The following PIK3R2 variants were observed in gnomAD, a reference collection of about 807,000 sequenced individuals.
PIK3R2 encodes the protein phosphoinositide-3-kinase regulatory subunit 2, also known as phosphatidylinositol 3-kinase regulatory subunit beta.
In PIK3R2, 40 loss-of-function variants were observed where a neutral mutation model predicts 78.5. That is an observed-to-expected ratio of 0.51 (90% CI 0.40 to 0.66). The LOEUF (loss-of-function observed/expected upper bound fraction) is 0.66. Among genes scored for constraint, PIK3R2 ranks in the 30% least tolerant of loss-of-function variants. PIK3R2 has a pLI of 0.00. For synonymous variants in PIK3R2, 473 were observed against 457.7 expected (o/e 1.03, Z -0.43); for missense variants, 880 against 1,026.6 (o/e 0.86, Z 1.95).
chr19:18,156,041 G>A lies in PIK3R2; in HGVS notation c.162G>A (p.Val54=). 6.4e-7 allele frequency: 1 copy of A among 1,561,724 alleles called. No homozygotes were observed. Among genetic ancestry groups the A allele is most frequent in the Non-Finnish European group, 8.7e-7 (1 of 1,153,576 alleles). Residue 54 remains valine (V), a synonymous_variant, in exon 2 of 16, where the codon GTG becomes GTA. Transcript: ENST00000222254. This position sits in a 1 kb window ranked among gnomAD's most constrained non-coding sequence, Gnocchi z 4.2. ...AEGGERCPQS[V]GWMPGLNERT... ...GTGGCGAGCGCTGCCCACAGAGCGT[G>A]GGCTGGATGCCCGGCCTCAACGAGC...
rs745964137 is a variant in PIK3R2, at chr19:18,156,100, A to G, written c.221A>G (p.Tyr74Cys). The change falls in exon 2 of 16, where the codon TAT (tyrosine) becomes TGT (cysteine). Residue 74 changes from tyrosine (Y) to cysteine (C), a missense_variant. This residue lies in a region of PIK3R2 where 456 missense variants were observed against 486.6 expected (regional missense o/e 0.94). Transcript: ENST00000222254. This position sits in a 1 kb window ranked among gnomAD's most constrained non-coding sequence, Gnocchi z 4.2. ...CAGCGAGGTGACTTCCCTGGCACCT[A>G]TGTGGAGTTCCTGGGGCCCGTGGCC... ...TRQRGDFPGT[Y>C]VEFLGPVALA... is the part of the protein sequence containing the mutation. 2 of 1,554,946 alleles carry G rather than the reference A, an allele frequency of 1.3e-6. No individual in the cohort carries two copies. Among genetic ancestry groups the G allele is most frequent in the Admixed American group, 1.9e-5 (1 of 51,798 alleles).
In PIK3R2 at chr19:18,167,063, GA is replaced by G. The variant is rs1472898803; in HGVS notation, c.1560-66del. ...AGGTAGGAGGGTCACCTGAGCCCAG[GA>G]GTTTGAGGGTGCAGTGAGCCGAGAT... On this transcript the variant is annotated intron_variant, in intron 12 of 15. Coordinates refer to ENST00000222254, the MANE Select transcript of PIK3R2 (RefSeq NM_005027.4). The surrounding 1 kb of genome is among the most constrained non-coding windows in gnomAD (Gnocchi z 4.5). 27 of 1,386,010 alleles carry G rather than the reference GA, an allele frequency of 1.9e-5. No homozygotes were observed. Among genetic ancestry groups the G allele is most frequent in the Admixed American group, 2.9e-5 (1 of 35,032 alleles). The allele number at this position is 1,386,010 out of a possible 1,614,324, so 85.9% of individuals were successfully genotyped here.
Position 18,168,110 on chromosome 19 carries a change from G to A in PIK3R2, c.1737-365G>A, listed in dbSNP as rs544174294. ...CCTTTTCAAGCCCTTTGTAAAGTTTGCCCTTTACAGCTGGGGAGACTGAGG... is the reference window on the plus strand; with the variant it reads ...CCTTTTCAAGCCCTTTGTAAAGTTTACCCTTTACAGCTGGGGAGACTGAGG... On this transcript the variant is annotated intron_variant, in intron 13 of 15. Transcript: ENST00000222254. This position sits in a 1 kb window ranked among gnomAD's most constrained non-coding sequence, Gnocchi z 4.1. 1.8e-4 allele frequency among the ~76,000 whole-genome samples: 28 copies of A among 152,140 alleles called. No homozygotes were observed. Among genetic ancestry groups the A allele is most frequent in the Non-Finnish European group, 4.0e-4 (27 of 68,032 alleles).
At position 18,169,282 on chromosome 19, in the gene PIK3R2, T is replaced by TGCCGCCC. The variant is rs1185749970; in HGVS notation, c.2178_2184dup (p.Ter729ArgfsTer84). The TGCCGCCC allele has an allele frequency of 6.7e-7, 1 of 1,499,914 alleles. No individual in the cohort carries two copies. Among genetic ancestry groups the TGCCGCCC allele is most frequent in the Non-Finnish European group, 8.8e-7 (1 of 1,130,762 alleles). The allele number at this position is 1,499,914 out of a possible 1,614,324, so 92.9% of individuals were successfully genotyped here. On this transcript the variant is annotated frameshift_variant, in exon 16 of 16. Coordinates refer to ENST00000222254, the MANE Select transcript of PIK3R2 (RefSeq NM_005027.4). LOFTEE classifies it high-confidence loss of function. The stretch of plus-strand genomic sequence containing the variant: ...GCGCCCCGGGCCCCGGCCCGCCGCC[T>TGCCGCCC]GCCGCCCGCTGAGCACCGAGGACCC...
rs1355024673 is a variant in PIK3R2, at chr19:18,161,446, C to A, written c.766C>A (p.Arg256Ser). The change falls in exon 6 of 16, where the codon CGC becomes AGC. Residue 256 changes from arginine (R) to serine (S), a missense_variant. By Grantham distance (110) the Arg-to-Ser change is moderately radical. This residue lies in a region of PIK3R2 where 456 missense variants were observed against 486.6 expected (regional missense o/e 0.94). Transcript: ENST00000222254. The surrounding 1 kb of genome is among the most constrained non-coding windows in gnomAD (Gnocchi z 5.3). ...LGATFGPLLL[R>S]APPPPSSPPP... ...CGCCACCTTTGGGCCGCTGCTGCTG[C>A]GCGCGCCGCCGCCGCCGTCCTCGCC... 1.7e-6 allele frequency: 2 copies of A among 1,204,756 alleles called. No individual in the cohort carries two copies. Among genetic ancestry groups the A allele is most frequent in the Non-Finnish European group, 1.0e-6 (1 of 972,498 alleles). 74.6% of individuals were successfully genotyped at this position (1,204,756 alleles called of 1,614,324 possible). A position where few individuals can be genotyped will look rare whatever the true frequency, so the allele number is the denominator to read the frequency against.
At chr19:18,157,746 T>TTC (rs2043693480) in intron 2 of PIK3R2, among the ~76,000 whole-genome samples, 1 of 150,786 alleles carries the variant, frequency 6.6e-6, no homozygotes, top group Non-Finnish European at 1.5e-5. Context: ...TTTTTTTTTT[T>TTC]TTTTTGGCGT....
chr19:18,155,654 C>G lies in PIK3R2; in HGVS notation c.-226C>G. On this transcript the variant is annotated 5_prime_UTR_variant, in exon 2 of 16. Transcript: ENST00000222254. ...CACCACACCACCAACTCCCTCCCAC[C>G]AGCTGACGAATGGTGGACCCAGTGA... is the stretch of plus-strand genomic sequence containing the variant. 1 of 543,500 alleles carries G rather than the reference C, an allele frequency of 1.8e-6. No homozygotes were observed. Among genetic ancestry groups the G allele is most frequent in the East Asian group, 3.3e-5 (1 of 29,866 alleles). 33.7% of individuals were successfully genotyped at this position (543,500 alleles called of 1,614,324 possible).
chr19:18,162,495 G>A lies in PIK3R2; in HGVS notation c.1098G>A (p.Thr366=), dbSNP rs146970612. 7 of 1,612,900 alleles carry A rather than the reference G, an allele frequency of 4.3e-6. No homozygotes were observed. The highest frequency in any genetic ancestry group is 2.2e-5 in the South Asian group (2 of 91,090). ...CTAGCAAGATCCAGGGCGAGTACAC[G>A]CTGACCCTCAGGTGGGGGCCTGTCC... The part of the protein sequence containing the change: ...DASSKIQGEY[T]LTLRKGGNNK... The change falls in exon 9 of 16, where the codon ACG becomes ACA. Residue 366 remains threonine (T), a synonymous_variant. Transcript: ENST00000222254.
At position 18,167,369 on chromosome 19, in the gene PIK3R2, C is replaced by G; in HGVS notation, c.1736+63C>G. On this transcript the variant is annotated intron_variant, in intron 13 of 15. Coordinates refer to ENST00000222254, the MANE Select transcript of PIK3R2 (RefSeq NM_005027.4). The surrounding 1 kb of genome is among the most constrained non-coding windows in gnomAD (Gnocchi z 4.5). ...CGACTGCTGCGGCACATGGAGATCT[C>G]TCTAGGAGTCTCAGTCTCTCTCTCT... is the stretch of plus-strand genomic sequence containing the variant. 1 of 1,348,258 alleles carries G rather than the reference C, an allele frequency of 7.4e-7. No homozygotes were observed. 83.5% of individuals were successfully genotyped at this position (1,348,258 alleles called of 1,614,324 possible). A position where few individuals can be genotyped will look rare whatever the true frequency, so the allele number is the denominator to read the frequency against.
rs898650958 is a variant in PIK3R2, at chr19:18,156,526, C to T, written c.322+325C>T. Among the ~76,000 whole-genome samples, 3 of 151,984 alleles carry T rather than the reference C, an allele frequency of 2.0e-5. No individual in the cohort carries two copies. The highest frequency in any genetic ancestry group is 2.9e-5 in the Non-Finnish European group (2 of 67,978). ...AGGCTGTGGAGTAGAACTCTAATGG[C>T]GGGAACGGCCAGCAGGAGGACCAGA... On this transcript the variant is annotated intron_variant, in intron 2 of 15. Coordinates refer to ENST00000222254, the MANE Select transcript of PIK3R2 (RefSeq NM_005027.4). The surrounding 1 kb of genome is among the most constrained non-coding windows in gnomAD (Gnocchi z 4.2).
In PIK3R2 at chr19:18,162,441, C is replaced by T. The variant is rs775174086; in HGVS notation, c.1044C>T (p.Pro348=). 18 of 1,613,432 alleles carry T rather than the reference C, an allele frequency of 1.1e-5. No homozygotes were observed. In the Admixed American group the frequency reaches 2.0e-4, roughly 18 times the overall value. The change falls in exon 9 of 16, where the codon CCC becomes CCT. Residue 348 remains proline (P), a synonymous_variant. Transcript: ENST00000222254. Reference sequence around the variant, plus strand: ...TGAACGAGAAACTCCGGGACACTCCCGATGGCACCTTCCTAGTCCGAGATG... The same window carrying T: ...TGAACGAGAAACTCCGGGACACTCCTGATGGCACCTTCCTAGTCCGAGATG... ...EEVNEKLRDT[P]DGTFLVRDAS... is the part of the protein sequence containing the mutation.
In PIK3R2 at chr19:18,169,138, C is replaced by G. The variant is rs754267384; in HGVS notation, c.2031C>G (p.Phe677Leu). The change falls in exon 16 of 16, where the codon TTC (phenylalanine) becomes TTG (leucine). Residue 677 changes from phenylalanine to leucine, a missense_variant. By Grantham distance (22) the Phe-to-Leu change is conservative. This residue lies in a region of PIK3R2 where 268 missense variants were observed against 299.1 expected (regional missense o/e 0.90). Transcript: ENST00000222254. ...HCVIYRTATG[F>L]GFAEPYNLYG... ...TCATCTACCGCACGGCCACCGGCTT[C>G]GGCTTCGCGGAGCCCTACAACCTGT... The G allele has an allele frequency of 9.3e-6, 15 of 1,611,624 alleles. No individual in the cohort carries two copies. The highest frequency in any genetic ancestry group is 1.3e-5 in the Non-Finnish European group (15 of 1,179,846).
rs1409422899 is a variant in PIK3R2, at chr19:18,167,078, G to T, written c.1560-52G>T. On this transcript the variant is annotated intron_variant, in intron 12 of 15. Transcript: ENST00000222254. This position sits in a 1 kb window ranked among gnomAD's most constrained non-coding sequence, Gnocchi z 4.5. The stretch of plus-strand genomic sequence containing the variant: ...CTGAGCCCAGGAGTTTGAGGGTGCA[G>T]TGAGCCGAGATAAAACCCTGAGGTC... 6.9e-7 allele frequency: 1 copy of T among 1,455,548 alleles called. No homozygotes were observed. Among genetic ancestry groups the T allele is most frequent in the East Asian group, 2.6e-5 (1 of 37,770 alleles). 90.2% of individuals were successfully genotyped at this position (1,455,548 alleles called of 1,614,324 possible).
rs1465489701 is a variant in PIK3R2 at position 18,161,618 on chromosome 19, G to C, written c.815+123G>C. 1.8e-5 allele frequency: 9 copies of C among 489,278 alleles called. No individual in the cohort carries two copies. Among genetic ancestry groups the C allele is most frequent in the Non-Finnish European group, 2.8e-5 (8 of 289,918 alleles). 30.3% of individuals were successfully genotyped at this position (489,278 alleles called of 1,614,324 possible). A position where few individuals can be genotyped will look rare whatever the true frequency, so the allele number is the denominator to read the frequency against. On this transcript the variant is annotated intron_variant, in intron 6 of 15. Transcript: ENST00000222254. The surrounding 1 kb of genome is among the most constrained non-coding windows in gnomAD (Gnocchi z 5.3). ...GAGGGGATGGGGTCCAGAGTGAGAA[G>C]CTGCGTTCTTGTGATGACGGAGCGG...
chr19:18,160,714 G>A (rs2043732776), intron 3 of PIK3R2, 151 bp downstream of exon 3: 2 of 885,740 alleles, frequency 2.3e-6, no homozygotes, highest in East Asian at 5.3e-5. Flanking sequence ...AGGGCACAGA[G>A]TGACTCCTAA....
At position 18,161,482 on chromosome 19, in the gene PIK3R2, G is replaced by A; in HGVS notation, c.802G>A (p.Gly268Ser). ...PPPPSSPPPG[G>S]APDGSEPSPD... ...GCCGCCGTCCTCGCCGCCGCCAGGGGGCGCTCCCGACGGGTGAGGGGCGGG... is the reference window on the plus strand; with the variant it reads ...GCCGCCGTCCTCGCCGCCGCCAGGGAGCGCTCCCGACGGGTGAGGGGCGGG... Residue 268 changes from glycine (G) to serine (S), a missense_variant, in exon 6 of 16, where the codon GGC becomes AGC. By Grantham distance (56) the Gly-to-Ser change is moderately conservative. Around this residue, in one of 3 missense-constraint regions of PIK3R2, gnomAD observed 456 missense variants for 486.6 expected, o/e 0.94. Transcript: ENST00000222254. This position sits in a 1 kb window ranked among gnomAD's most constrained non-coding sequence, Gnocchi z 5.3. 8.5e-7 allele frequency: 1 copy of A among 1,179,180 alleles called. No homozygotes were observed. Among genetic ancestry groups the A allele is most frequent in the Non-Finnish European group, 1.1e-6 (1 of 948,010 alleles). The allele number at this position is 1,179,180 out of a possible 1,614,324, so 73.0% of individuals were successfully genotyped here. A position where few individuals can be genotyped will look rare whatever the true frequency, so the allele number is the denominator to read the frequency against.
At chr19:18,165,999 T>C in intron 11 of PIK3R2, 161 bp from the exon 12 acceptor site, 1 of 900,182 alleles carries the variant, frequency 1.1e-6, no homozygotes, top group Admixed American at 1.7e-5. Context: ...TTTTGAAGGC[T>C]GAATAGGAGT....
chr19:18,167,044 G>A lies in PIK3R2; in HGVS notation c.1560-86G>A. 2 of 1,170,046 alleles carry A rather than the reference G, an allele frequency of 1.7e-6. No individual in the cohort carries two copies. Among genetic ancestry groups the A allele is most frequent in the Non-Finnish European group, 2.3e-6 (2 of 857,838 alleles). 72.5% of individuals were successfully genotyped at this position (1,170,046 alleles called of 1,614,324 possible). A position where few individuals can be genotyped will look rare whatever the true frequency, so the allele number is the denominator to read the frequency against. ...CCAGCTACTCGGGAGGCTGAGGTAG[G>A]AGGGTCACCTGAGCCCAGGAGTTTG... is the stretch of plus-strand genomic sequence containing the variant. On this transcript the variant is annotated intron_variant, in intron 12 of 15. Coordinates refer to ENST00000222254, the MANE Select transcript of PIK3R2 (RefSeq NM_005027.4). This position sits in a 1 kb window ranked among gnomAD's most constrained non-coding sequence, Gnocchi z 4.5.
chr19:18,161,351 T>A lies in PIK3R2; in HGVS notation c.671T>A (p.Phe224Tyr). The change falls in exon 6 of 16, where the codon TTC (phenylalanine) becomes TAC (tyrosine). Residue 224 changes from phenylalanine to tyrosine, a missense_variant. By Grantham distance (22) the Phe-to-Tyr change is conservative (BLOSUM62 3). Transcript: ENST00000222254. The surrounding 1 kb of genome is among the most constrained non-coding windows in gnomAD (Gnocchi z 5.3). ...CTGCACCGCGCGCTCACGCTGCGCTTCCTGCTCCAGCACCTGGGCCGCGTG... is the reference window on the plus strand; with the variant it reads ...CTGCACCGCGCGCTCACGCTGCGCTACCTGCTCCAGCACCTGGGCCGCGTG... ...LPLHRALTLR[F>Y]LLQHLGRVAS... 7.6e-7 allele frequency: 1 copy of A among 1,321,688 alleles called. No homozygotes were observed. The highest frequency in any genetic ancestry group is 9.6e-7 in the Non-Finnish European group (1 of 1,039,246). 81.9% of individuals were successfully genotyped at this position (1,321,688 alleles called of 1,614,324 possible). A position where few individuals can be genotyped will look rare whatever the true frequency, so the allele number is the denominator to read the frequency against.
Sources: gnomAD v4.1 joint callset for allele counts (sites outside exome capture counted in the v4.1 genomes callset) on GRCh38, gnomAD v4.1.1 for gene constraint, gnomAD v4.1.1 regional missense constraint, Gnocchi (gnomAD v3.1) non-coding constraint, MANE v1.5 for transcripts, NCBI Gene and HGNC (gene_info 2026-07-23, HGNC 2026-07-21) for gene names.